The following ERI2 variants were observed in gnomAD, a reference collection of about 807,000 sequenced individuals.
ERI2 encodes ERI1 exoribonuclease 2.
A neutral mutation model predicts 46.8 loss-of-function variants in ERI2; 35 were observed. That is an observed-to-expected ratio of 0.75 (90% CI 0.57 to 0.99). The LOEUF (loss-of-function observed/expected upper bound fraction) is 0.99. ERI2 is among the 50% of genes least tolerant of loss of function. ERI2 has a pLI of 0.00. For synonymous variants in ERI2, 224 were observed against 271.0 expected, an observed-to-expected ratio of 0.83 and a Z score of 1.70; for missense variants, 695 against 796.2, an observed-to-expected ratio of 0.87 and a Z score of 1.53.
intron 10 of ERI2, among the ~76,000 whole-genome samples, chr16:20,784,317 G>T (rs1031342113): frequency 1.3e-5 from 2 of 152,076 alleles, no homozygotes; most frequent in African/African-American, 4.8e-5. Context: ...TATCCATATA[G>T]GGCTAGCATA....
In ERI2 at chr16:20,803,530, A is replaced by G. The variant is rs2080817681; in HGVS notation, c.92-14T>C. The G allele has an allele frequency of 6.2e-7, 1 of 1,613,784 alleles. No individual in the cohort carries two copies. The highest frequency in any genetic ancestry group is 8.5e-7 in the Non-Finnish European group (1 of 1,179,798). Reference sequence around the variant, plus strand: ...CAAACAACTGCTCTGCAAAAGATCAAGTTGTTCTTATGCTTTACCAGTGCT... The same window carrying G: ...CAAACAACTGCTCTGCAAAAGATCAGGTTGTTCTTATGCTTTACCAGTGCT... On this transcript the variant is annotated splice_polypyrimidine_tract_variant and intron_variant, in intron 2 of 8. Coordinates refer to ENST00000357967, the MANE Select transcript of ERI2 (RefSeq NM_001142725.2).
chr16:20,793,212 T>TAATC (rs897232348), downstream of ERI2, among the ~76,000 whole-genome samples: 3 of 152,188 alleles, frequency 2.0e-5, no homozygotes, highest in Non-Finnish European at 4.4e-5. Context: ...CTCACACCTG[T>TAATC]AATCCTAGCA....
Position 20,801,208 on chromosome 16 carries a change from C to G in ERI2, c.455G>C (p.Trp152Ser). ...SEVKLCAFVT[W>S]SDWDLGVCLE... ...AGGTATAACTTATTCTTTACCTGAC[C>G]AAGTAACAAATGCACATAATTTTAC... Residue 152 changes from tryptophan (W) to serine (S), a missense_variant, in exon 5 of 9, where the codon TGG (tryptophan) becomes TCG (serine). Coordinates refer to ENST00000357967, the MANE Select transcript of ERI2 (RefSeq NM_001142725.2). 1.9e-6 allele frequency: 3 copies of G among 1,608,074 alleles called. No homozygotes were observed. Among genetic ancestry groups the G allele is most frequent in the Non-Finnish European group, 2.5e-6 (3 of 1,177,756 alleles).
Position 20,803,678 on chromosome 16 carries a change from T to C in ERI2, c.24-8A>G. ...CTAATTAATCCAAGCTGCCTAAAAA[T>C]GTGAAGCAATCCAAATATGATCAAT... On this transcript the variant is annotated splice_polypyrimidine_tract_variant and splice_region_variant and intron_variant, in intron 1 of 8. Coordinates refer to ENST00000357967, the MANE Select transcript of ERI2 (RefSeq NM_001142725.2). 1.2e-6 allele frequency: 2 copies of C among 1,613,406 alleles called. No individual in the cohort carries two copies. Among genetic ancestry groups the C allele is most frequent in the Non-Finnish European group, 1.7e-6 (2 of 1,179,674 alleles).
At position 20,799,356 on chromosome 16, in the gene ERI2, G is replaced by A; in HGVS notation, c.644-5C>T. 3.1e-6 allele frequency: 5 copies of A among 1,612,836 alleles called. No homozygotes were observed. Among genetic ancestry groups the A allele is most frequent in the South Asian group, 2.2e-5 (2 of 90,972 alleles). On this transcript the variant is annotated splice_polypyrimidine_tract_variant and splice_region_variant and intron_variant, in intron 7 of 8. Coordinates refer to ENST00000357967, the MANE Select transcript of ERI2 (RefSeq NM_001142725.2). Reference sequence around the variant, plus strand: ...TATTCCGAGAATCGTCCAACCCTGAGGATACAGATATCAAACACTGAATTT... The same window carrying A: ...TATTCCGAGAATCGTCCAACCCTGAAGATACAGATATCAAACACTGAATTT...
chr16:20,785,130 CAT>C, intron 10 of ERI2: 2 of 1,611,636 alleles, frequency 1.2e-6, no homozygotes, highest in Non-Finnish European at 1.7e-6. Context: ...ACTGAAAAGA[CAT>C]AGCTGGATTC....
In ERI2 at chr16:20,801,304, C is replaced by A; in HGVS notation, c.359G>T (p.Trp120Leu). Residue 120 changes from tryptophan to leucine, a missense_variant, in exon 5 of 9, where the codon TGG becomes TTG. Transcript: ENST00000357967. ...LKICLSQFCK[W>L]IHKIQQQKNI... is the part of the protein sequence containing the mutation. ...CTTCTGTTGCTGAATCTTATGAATC[C>A]ATTTACAGAACTGAGATAAGCAAAT... 6.2e-7 allele frequency: 1 copy of A among 1,611,492 alleles called. No individual in the cohort carries two copies. The highest frequency in any genetic ancestry group is 8.5e-7 in the Non-Finnish European group (1 of 1,178,818).
chr16:20,782,874 T>C (rs148640230), intron 10 of ERI2, among the ~76,000 whole-genome samples: 203 of 152,306 alleles, frequency 1.3e-3, no homozygotes, highest in African/African-American at 4.5e-3. Flanking sequence ...AAGAGGTACA[T>C]AGGGTGAGGT....
rs372581943 is a variant in ERI2 at position 20,798,007 on chromosome 16, T to G, written c.1793A>C (p.Lys598Thr). 6.4e-7 allele frequency: 1 copy of G among 1,551,906 alleles called. No homozygotes were observed. Among genetic ancestry groups the G allele is most frequent in the South Asian group, 1.2e-5 (1 of 84,062 alleles). The change falls in exon 9 of 9, where the codon AAG becomes ACG. Residue 598 changes from lysine to threonine, a missense_variant. Coordinates refer to ENST00000357967, the MANE Select transcript of ERI2 (RefSeq NM_001142725.2). ...KSGKMTPPLC[K>T]CGRRSKRLVV... ...AAGTCTCTTAGATCTCCGACCACAC[T>G]TGCATAATGGAGGTGTCATTTTCCC...
At chr16:20,792,605 G>A, downstream of ERI2, 2 of 985,456 alleles carry the variant, frequency 2.0e-6, no homozygotes, top group Non-Finnish European at 2.4e-6. Flanking sequence ...CAAAGATGGT[G>A]TGAATGCCAG....
intron 9 of ERI2, chr16:20,789,676 C>CT (rs1260213453): frequency 5.5e-6 from 3 of 548,750 alleles, no homozygotes; most frequent in African/African-American, 4.0e-5. Context: ...TAAAGCAACT[C>CT]TATTTTTCTT....
At position 20,797,313 on chromosome 16, in the gene ERI2, TATACAA is replaced by T; in HGVS notation, c.*405_*410del. ...TTGACTAATTCTTCTGATATGTTGA[TATACAA>T]ATCAGAACCAATGTTCAAGCCTGAA... On this transcript the variant is annotated 3_prime_UTR_variant, in exon 9 of 9. Coordinates refer to ENST00000357967, the MANE Select transcript of ERI2 (RefSeq NM_001142725.2). 10 of 1,023,196 alleles carry T rather than the reference TATACAA, an allele frequency of 9.8e-6. No individual in the cohort carries two copies. The highest frequency in any genetic ancestry group is 1.2e-5 in the Non-Finnish European group (10 of 856,546). 63.4% of individuals were successfully genotyped at this position (1,023,196 alleles called of 1,614,324 possible).
At chr16:20,783,363 C>G (rs1225802072) in intron 10 of ERI2, 1 of 152,150 alleles carries the variant, frequency 6.6e-6, no homozygotes, top group African/African-American at 2.4e-5. Flanking sequence ...ATGCTTGAGA[C>G]CAGAAGTCTT....
intron 10 of ERI2, chr16:20,786,014 A>G (rs1474395914): frequency 2.6e-6 from 3 of 1,146,246 alleles, no homozygotes; most frequent in Non-Finnish European, 3.7e-6. Context: ...GAATGAATGC[A>G]TGATAGATGA....
exon 11 of ERI2, chr16:20,780,545 C>G: frequency 4.2e-6 from 6 of 1,421,088 alleles, no homozygotes; most frequent in Non-Finnish European, 5.8e-6. Context: ...TAGAAAGCAC[C>G]TAAAAGGATA....
chr16:20,799,690 TG>T (rs2080775290), intron 7 of ERI2: 4 of 472,220 alleles, frequency 8.5e-6, no homozygotes, highest in Non-Finnish European at 1.5e-5. Context: ...TTCTATTATT[TG>T]AGCACTTGTT....
downstream of ERI2, chr16:20,792,022 T>A: frequency 6.2e-7 from 1 of 1,614,086 alleles, no homozygotes; most frequent in Non-Finnish European, 8.5e-7. Context: ...CAAAAACAGC[T>A]TCAACTCTAC....
downstream of ERI2, among the ~76,000 whole-genome samples, chr16:20,795,813 A>G (rs2080712005): frequency 6.6e-6 from 1 of 152,224 alleles, no homozygotes; most frequent in South Asian, 2.1e-4. Context: ...GGGGGCTATG[A>G]GGGATGGCCT....
At position 20,802,702 on chromosome 16, in the gene ERI2, A is replaced by G. The variant is rs2080809399; in HGVS notation, c.303+94T>C. On this transcript the variant is annotated intron_variant, in intron 4 of 8. Transcript: ENST00000357967. Reference sequence around the variant, plus strand: ...GCTGGGATTACAGGCATAAGCCATCATGCCTAACACTAAATAAATCTAATT... The same window carrying G: ...GCTGGGATTACAGGCATAAGCCATCGTGCCTAACACTAAATAAATCTAATT... 3 of 1,394,054 alleles carry G rather than the reference A, an allele frequency of 2.2e-6. No homozygotes were observed. In the African/African-American group the frequency reaches 4.3e-5, roughly 20 times the overall value. 86.4% of individuals were successfully genotyped at this position (1,394,054 alleles called of 1,614,324 possible). A position where few individuals can be genotyped will look rare whatever the true frequency, so the allele number is the denominator to read the frequency against.
Sources: gnomAD v4.1 joint callset for allele counts (sites outside exome capture counted in the v4.1 genomes callset) on GRCh38, gnomAD v4.1.1 for gene constraint, MANE v1.5 for transcripts, NCBI Gene and HGNC (gene_info 2026-07-23, HGNC 2026-07-21) for gene names.